Variants in TDRD3 observed in about 807,000 individuals in gnomAD.
The protein encoded by TDRD3 is tudor domain-containing protein 3.
TDRD3 carries 45 observed loss-of-function variants against 86.7 expected under a neutral mutation model. The observed-to-expected ratio is 0.52, with a 90% CI of 0.41 to 0.67. TDRD3 has a LOEUF of 0.67. Ranked by LOEUF, TDRD3 falls within the 30% of genes least tolerant of loss-of-function variation. The pLI is 0.00. For missense variants in TDRD3, 814 were observed against 889.0 expected (o/e 0.92, Z 1.07); for synonymous variants, 298 against 301.7 (o/e 0.99, Z 0.13).
intron 8 of TDRD3, among the ~76,000 whole-genome samples, chr13:60,499,685 G>A (rs1183763920): frequency 6.6e-6 from 1 of 152,182 alleles, no homozygotes; most frequent in Non-Finnish European, 1.5e-5. Context: ...CTAAAATTCA[G>A]GAATGTTCTG....
rs79248805 is a variant in TDRD3, at chr13:60,418,146, T to C, written c.41+20741T>C. Among the ~76,000 whole-genome samples the C allele has an allele frequency of 1.4e-4, 22 of 152,274 alleles. No individual in the cohort carries two copies. The East Asian group carries it at 4.3e-3, about 29-fold the overall frequency. On this transcript the variant is annotated intron_variant, in intron 1 of 13. Transcript: ENST00000377881. The stretch of plus-strand genomic sequence containing the variant: ...GTTTCTTTGTGGCATCCATTTTTGC[T>C]CCTACCTCTCCAGCAGTTTATGCTC...
chr13:60,519,310 A>G (rs1279057503), intron 10 of TDRD3, among the ~76,000 whole-genome samples: 1 of 152,188 alleles, frequency 6.6e-6, no homozygotes, highest in Non-Finnish European at 1.5e-5. Context: ...GTAAATGCAA[A>G]ATATATATTA....
chr13:60,423,077 G>T (rs1031581111), intron 1 of TDRD3, among the ~76,000 whole-genome samples: 2 of 152,078 alleles, frequency 1.3e-5, no homozygotes, highest in African/African-American at 4.8e-5. Flanking sequence ...AAAAGCAAAA[G>T]AATTATAGTA....
At chr13:60,515,246 A>T (rs1957143990) in intron 10 of TDRD3, among the ~76,000 whole-genome samples, 1 of 152,252 alleles carries the variant, frequency 6.6e-6, no homozygotes, top group Non-Finnish European at 1.5e-5. Flanking sequence ...TGCCAAAATA[A>T]GACCTACCCA....
intron 3 of TDRD3, 77 bp from the exon 4 acceptor site, chr13:60,460,303 A>G: frequency 7.9e-7 from 1 of 1,271,032 alleles, no homozygotes; most frequent in Non-Finnish European, 1.1e-6. Flanking sequence ...GAAAAGAGAA[A>G]CACTATAAAT....
At chr13:60,507,640 T>C (rs935365743) in intron 8 of TDRD3, among the ~76,000 whole-genome samples, 15 of 152,060 alleles carry the variant, frequency 9.9e-5, no homozygotes, top group Non-Finnish European at 1.6e-4. Context: ...TTGAAACCAA[T>C]GAGAACAAAG....
intron 8 of TDRD3, among the ~76,000 whole-genome samples, chr13:60,504,751 T>C (rs1417244022): frequency 1.3e-5 from 2 of 152,114 alleles, no homozygotes; most frequent in East Asian, 3.9e-4. Flanking sequence ...GCTCATCTCA[T>C]TGGAACTGGT....
At chr13:60,404,861 G>C (rs950774382) in intron 1 of TDRD3, among the ~76,000 whole-genome samples, 1 of 152,202 alleles carries the variant, frequency 6.6e-6, no homozygotes, top group Admixed American at 6.5e-5. Context: ...GTTGTGGGAA[G>C]GACCTGGTGG....
intron 8 of TDRD3, among the ~76,000 whole-genome samples, chr13:60,504,568 A>C (rs894762876): frequency 1.3e-5 from 2 of 152,236 alleles, no homozygotes; most frequent in African/African-American, 4.8e-5. Context: ...TTGTTTCTTA[A>C]ATATTAAAGT....
intron 12 of TDRD3, 25 bp from the exon 13 acceptor site, chr13:60,567,500 T>C (rs747578902): frequency 1.2e-6 from 2 of 1,613,886 alleles, no homozygotes; most frequent in African/African-American, 1.3e-5. Context: ...TTTGAACATG[T>C]AAAATCACTA....
At chr13:60,517,015 T>A (rs755219103) in intron 10 of TDRD3, among the ~76,000 whole-genome samples, 5 of 152,208 alleles carry the variant, frequency 3.3e-5, no homozygotes, top group Non-Finnish European at 5.9e-5. Flanking sequence ...TTTTATTTTC[T>A]GTGGATTTTG....
intron 7 of TDRD3, among the ~76,000 whole-genome samples, chr13:60,487,811 C>T (rs1029171766): frequency 1.3e-5 from 2 of 152,142 alleles, no homozygotes; most frequent in Non-Finnish European, 2.9e-5. Flanking sequence ...CAATCATATG[C>T]TAGTTCTATT....
intron 8 of TDRD3, among the ~76,000 whole-genome samples, chr13:60,499,531 G>GT (rs1956788732): frequency 1.3e-5 from 2 of 152,210 alleles, no homozygotes; most frequent in Non-Finnish European, 2.9e-5. Flanking sequence ...GAGAGAACTT[G>GT]ATCACTTTTC....
At chr13:60,559,011 C>A (rs1958271117) in intron 12 of TDRD3, among the ~76,000 whole-genome samples, 1 of 148,392 alleles carries the variant, frequency 6.7e-6, no homozygotes. Flanking sequence ...AATACCCTCA[C>A]AATAAGCTAA....
chr13:60,551,082 C>T (rs569757287), intron 12 of TDRD3, among the ~76,000 whole-genome samples: 1 of 152,156 alleles, frequency 6.6e-6, no homozygotes, highest in Non-Finnish European at 1.5e-5. Flanking sequence ...ATTTAAAATG[C>T]GAGTGAGATG....
At chr13:60,467,026 A>G (rs1955956030) in intron 4 of TDRD3, among the ~76,000 whole-genome samples, 2 of 151,918 alleles carry the variant, frequency 1.3e-5, no homozygotes, top group South Asian at 4.1e-4. Flanking sequence ...GGATGTGCAG[A>G]TTTGTTACAT....
chr13:60,526,937 C>T (rs577013314), intron 10 of TDRD3, among the ~76,000 whole-genome samples: 16 of 151,920 alleles, frequency 1.1e-4, no homozygotes, highest in African/African-American at 3.6e-4. Context: ...CAGGTTCAAG[C>T]GATTCTCTTG....
At chr13:60,471,541 CA>C (rs35512603) in intron 5 of TDRD3, among the ~76,000 whole-genome samples, 8,874 of 143,574 alleles carry the variant, frequency 0.062, 819 homozygotes, top group African/African-American at 0.2. Context: ...TCTATTTCTG[CA>C]AAAAAAAAAA....
intron 12 of TDRD3, among the ~76,000 whole-genome samples, chr13:60,562,973 A>G (rs1374373085): frequency 6.6e-6 from 1 of 152,162 alleles, no homozygotes; most frequent in Non-Finnish European, 1.5e-5. Context: ...TCACACCTGT[A>G]ATCCCAGAAC....
Sources: allele counts gnomAD v4.1 joint callset (sites outside exome capture counted in the v4.1 genomes callset), GRCh38; gene constraint gnomAD v4.1.1; transcripts MANE v1.5; gene names NCBI Gene and HGNC (gene_info 2026-07-23, HGNC 2026-07-21).